DDX60L: variants seen among roughly 807,000 people sequenced by gnomAD.
DDX60L encodes probable ATP-dependent RNA helicase DDX60-like.
A neutral mutation model predicts 211.6 loss-of-function variants in DDX60L; 191 were observed. That is an observed-to-expected ratio of 0.90 (90% confidence interval 0.80 to 1.02). The LOEUF is 1.02. DDX60L is among the 50% of genes least tolerant of loss of function. DDX60L has a pLI of 0.00. For synonymous variants in DDX60L, 706 were observed against 694.1 expected (o/e 1.02, Z -0.27); for missense variants, 2,007 against 1,984.1 (o/e 1.01, Z -0.22).
chr4:168,445,363 G>C lies in DDX60L; in HGVS notation c.1138+3275C>G, dbSNP rs983792825. 2.1e-5 allele frequency among the ~76,000 whole-genome samples: 3 copies of C among 144,920 alleles called. No homozygotes were observed. In the Admixed American group the frequency reaches 2.1e-4, roughly 10 times the overall value. ...GAAACTCTGAATAGACCAATAACAG[G>C]AGCTGAAATTGTGGCAATAATCAAT... is the stretch of plus-strand genomic sequence containing the variant. On this transcript the variant is annotated intron_variant, in intron 9 of 37. Transcript: ENST00000682922.
intron 4 of DDX60L, chr4:168,470,575 T>C (rs1243943526): frequency 6.6e-6 from 1 of 152,500 alleles, no homozygotes; most frequent in Non-Finnish European, 1.5e-5. Context: ...TAAAATTCTA[T>C]TTATTAAAAG....
chr4:168,408,272 T>A (rs1318482840), intron 22 of DDX60L, among the ~76,000 whole-genome samples: 1 of 152,224 alleles, frequency 6.6e-6, no homozygotes, highest in Non-Finnish European at 1.5e-5. Flanking sequence ...GGAATAATTA[T>A]CCTTACACCA....
intron 4 of DDX60L, among the ~76,000 whole-genome samples, chr4:168,467,445 C>CAAAAAAAAAAAAAAA (rs199648164): frequency 2.7e-5 from 3 of 109,092 alleles, no homozygotes; most frequent in Non-Finnish European, 5.7e-5. Context: ...GTTTCCATTC[C>CAAAAAAAAAAAAAAA]AAAAAAAAAA....
intron 8 of DDX60L, among the ~76,000 whole-genome samples, chr4:168,449,665 A>AAAAAAAAATAAAAAAAAAAAAAAAAAAT (rs1755474696): frequency 7.0e-5 from 2 of 28,498 alleles, no homozygotes; most frequent in Non-Finnish European, 1.2e-4. Context: ...AAAAAAAAAA[A>AAAAAAAAATAAAAAAAAAAAAAAAAAAT]GAAAAAAGAA....
At chr4:168,360,238 T>C (rs1427430261) in intron 37 of DDX60L, among the ~76,000 whole-genome samples, 1 of 152,228 alleles carries the variant, frequency 6.6e-6, no homozygotes, top group Non-Finnish European at 1.5e-5. Context: ...GATACTTTTA[T>C]AATTGATAAA....
intron 1 of DDX60L, among the ~76,000 whole-genome samples, chr4:168,478,423 G>C (rs1759909740): frequency 6.6e-6 from 1 of 152,166 alleles, no homozygotes; most frequent in Non-Finnish European, 1.5e-5. Flanking sequence ...AGCATAAGAA[G>C]CTGGATACAT....
At chr4:168,372,823 A>G (rs1021202608) in intron 35 of DDX60L, among the ~76,000 whole-genome samples, 2 of 152,170 alleles carry the variant, frequency 1.3e-5, no homozygotes, top group African/African-American at 2.4e-5. Context: ...TACATAATGT[A>G]GAATTTGTAA....
chr4:168,454,245 A>G (rs1245022033), intron 7 of DDX60L, among the ~76,000 whole-genome samples: 2 of 152,190 alleles, frequency 1.3e-5, no homozygotes, highest in African/African-American at 4.8e-5. Flanking sequence ...AAGTATTCAA[A>G]TTCACAATTT....
intron 4 of DDX60L, among the ~76,000 whole-genome samples, chr4:168,468,116 G>A (rs190701477): frequency 6.1e-4 from 93 of 152,130 alleles, no homozygotes; most frequent in Non-Finnish European, 3.5e-4. Flanking sequence ...GCAGTGAGCC[G>A]AGACCATGCC....
intron 9 of DDX60L, among the ~76,000 whole-genome samples, chr4:168,446,976 G>C (rs1754914721): frequency 8.0e-6 from 1 of 124,368 alleles, no homozygotes; most frequent in Non-Finnish European, 1.7e-5. Flanking sequence ...CATGGGCAAG[G>C]ACTTCATGTC....
Position 168,399,778 on chromosome 4 carries a change from GA to G in DDX60L, c.3491+1047del, listed in dbSNP as rs539426959. Among the ~76,000 whole-genome samples the G allele has an allele frequency of 3.3e-5, 5 of 150,976 alleles. 1 individual carries two copies. The East Asian group carries it at 7.8e-4, about 23-fold the overall frequency. ...AATTAATCAGACCTTGGGGAGAAAG[GA>G]AAAAAAAATCACAGCAGTGAAGTCC... On this transcript the variant is annotated intron_variant, in intron 26 of 37. Coordinates refer to ENST00000682922, the MANE Select transcript of DDX60L (RefSeq NM_001012967.3).
chr4:168,379,991 C>T lies in DDX60L; in HGVS notation c.4117-161G>A, dbSNP rs572062230. On this transcript the variant is annotated intron_variant, in intron 30 of 37. Transcript: ENST00000682922. ...CATATTATCTCTTTGATTGTATCTT[C>T]ACATGGCACATGCTTCCTTGAATTA... is the stretch of plus-strand genomic sequence containing the variant. 214 of 503,530 alleles carry T rather than the reference C, an allele frequency of 4.2e-4. 4 individuals are homozygous for T. The South Asian group carries it at 7.4e-3, about 17-fold the overall frequency. 31.2% of individuals were successfully genotyped at this position (503,530 alleles called of 1,614,324 possible).
chr4:168,372,713 T>G (rs1336988349), intron 35 of DDX60L, among the ~76,000 whole-genome samples: 22 of 143,982 alleles, frequency 1.5e-4, no homozygotes, highest in African/African-American at 4.9e-4. Flanking sequence ...GGCAAGAGAG[T>G]GAGACCCTGT....
At chr4:168,408,324 T>A (rs866498131) in intron 22 of DDX60L, among the ~76,000 whole-genome samples, 1 of 152,208 alleles carries the variant, frequency 6.6e-6, no homozygotes, top group Non-Finnish European at 1.5e-5. Context: ...GTATACAATA[T>A]GCTGTTAAAA....
Position 168,384,626 on chromosome 4 carries a change from C to T in DDX60L, c.4102G>A (p.Asp1368Asn). 1 of 1,613,960 alleles carries T rather than the reference C, an allele frequency of 6.2e-7. No individual in the cohort carries two copies. Among genetic ancestry groups the T allele is most frequent in the South Asian group, 1.1e-5 (1 of 91,086 alleles). ...LLASKGDDPEDAKAKVLSVLK... is the reference protein window; with the variant it reads ...LLASKGDDPENAKAKVLSVLK... Reference sequence around the variant, plus strand: ...CAGCACGGTACCTTTGCCTTGGCATCCTCTGGGTCATCTCCCTTGGAAGCC... The same window carrying T: ...CAGCACGGTACCTTTGCCTTGGCATTCTCTGGGTCATCTCCCTTGGAAGCC... Residue 1368 changes from aspartate (D) to asparagine (N), a missense_variant, in exon 30 of 38, where the codon GAT becomes AAT. By Grantham distance (23) the Asp-to-Asn change is conservative. Coordinates refer to ENST00000682922, the MANE Select transcript of DDX60L (RefSeq NM_001012967.3).
At chr4:168,394,830 C>T (rs543004715) in intron 27 of DDX60L, among the ~76,000 whole-genome samples, 22 of 152,228 alleles carry the variant, frequency 1.4e-4, no homozygotes, top group Admixed American at 1.3e-3. Flanking sequence ...ATTCATAAAC[C>T]AAAGGGGAAG....
At chr4:168,462,899 A>T (rs995991673) in intron 4 of DDX60L, among the ~76,000 whole-genome samples, 1 of 152,206 alleles carries the variant, frequency 6.6e-6, no homozygotes, top group African/African-American at 2.4e-5. Context: ...GAGAAATGCA[A>T]ATCAAAACCA....
intron 8 of DDX60L, among the ~76,000 whole-genome samples, chr4:168,452,243 A>C (rs3937839): frequency 0.29 from 44,186 of 152,078 alleles, 8,095 homozygotes; most frequent in East Asian, 0.62. Context: ...AGATCCTCAA[A>C]TTTTCCATAC....
At chr4:168,366,388 T>C (rs1349357386) in intron 36 of DDX60L, among the ~76,000 whole-genome samples, 1 of 152,086 alleles carries the variant, frequency 6.6e-6, no homozygotes, top group African/African-American at 2.4e-5. Flanking sequence ...CAAATTCATT[T>C]ACAATAGCTA....
Sources: allele counts gnomAD v4.1 joint callset (sites outside exome capture counted in the v4.1 genomes callset), GRCh38; gene constraint gnomAD v4.1.1; transcripts MANE v1.5; gene names NCBI Gene and HGNC (gene_info 2026-07-23, HGNC 2026-07-21).